Variants in INTS8 observed in about 807,000 individuals in gnomAD.
INTS8 encodes the protein protein kaonashi-1.
INTS8 carries 47 observed loss-of-function variants against 138.9 expected under a neutral mutation model. The observed-to-expected ratio is 0.34, with a 90% CI of 0.27 to 0.43. The LOEUF (loss-of-function observed/expected upper bound fraction) is 0.43. Among genes scored for constraint, INTS8 ranks in the 20% least tolerant of loss-of-function variants. The pLI, the probability that INTS8 is intolerant of heterozygous loss-of-function variation, is 1.00. For missense variants in INTS8, 996 were observed against 1,173.0 expected (o/e 0.85, Z 2.20); for synonymous variants, 392 against 400.9 (o/e 0.98, Z 0.27).
intron 16 of INTS8, among the ~76,000 whole-genome samples, chr8:94,864,540 T>C (rs982291540): frequency 1.3e-5 from 2 of 152,128 alleles, no homozygotes; most frequent in African/African-American, 4.8e-5. Flanking sequence ...AAACCCCGTC[T>C]CTACTAAAAA....
intron 20 of INTS8, among the ~76,000 whole-genome samples, chr8:94,870,718 G>T (rs60598395): frequency 0.015 from 2,212 of 152,142 alleles, 53 homozygotes; most frequent in African/African-American, 0.05. Context: ...CACTGTACTG[G>T]GCTCTGGTGA....
At chr8:94,856,272 G>T (rs1815742026) in intron 14 of INTS8, among the ~76,000 whole-genome samples, 2 of 152,188 alleles carry the variant, frequency 1.3e-5, no homozygotes, top group South Asian at 4.1e-4. Flanking sequence ...GGGAGTGAAT[G>T]AAATATGTGG....
intron 15 of INTS8, among the ~76,000 whole-genome samples, chr8:94,858,298 C>G (rs1014878064): frequency 1.3e-4 from 20 of 152,272 alleles, no homozygotes; most frequent in Middle Eastern, 3.4e-3. Context: ...AATTTAATTT[C>G]TAATTAAAGT....
chr8:94,834,334 CTG>C (rs1814841127), intron 6 of INTS8, among the ~76,000 whole-genome samples: 1 of 150,212 alleles, frequency 6.7e-6, no homozygotes, highest in South Asian at 2.1e-4. Flanking sequence ...TTATATATAA[CTG>C]TAGTAAGTAT....
chr8:94,833,929 G>T (rs1356754879), intron 6 of INTS8, among the ~76,000 whole-genome samples: 2 of 151,990 alleles, frequency 1.3e-5, no homozygotes, highest in Non-Finnish European at 2.9e-5. Context: ...GCACCACCTC[G>T]CCTGGCTAAT....
rs1281376992 is a variant in INTS8 at position 94,878,880 on chromosome 8, A to G, written c.2872-1238A>G. On this transcript the variant is annotated intron_variant, in intron 26 of 26. Coordinates refer to ENST00000523731, the MANE Select transcript of INTS8 (RefSeq NM_017864.4). The stretch of plus-strand genomic sequence containing the variant: ...GCTTCCCTGACATCATTTTTATTGG[A>G]TTACTTTCTCTATTTCTTCCTTTTT... 2.0e-5 allele frequency among the ~76,000 whole-genome samples: 3 copies of G among 152,058 alleles called. No homozygotes were observed. In the East Asian group the frequency reaches 5.8e-4, roughly 29 times the overall value.
chr8:94,823,620 C>A, intron 1 of INTS8, 59 bp downstream of exon 1: 2 of 1,338,906 alleles, frequency 1.5e-6, no homozygotes, highest in South Asian at 1.4e-5. Flanking sequence ...GTCCGCCCAG[C>A]TTCCCTCCGC....
At chr8:94,872,539 T>G (rs1236952350) in intron 21 of INTS8, among the ~76,000 whole-genome samples, 1 of 152,196 alleles carries the variant, frequency 6.6e-6, no homozygotes, top group East Asian at 1.9e-4. Flanking sequence ...CAGCATGAAT[T>G]TTTTAAATCT....
chr8:94,848,167 G>A (rs1313709802), intron 10 of INTS8, among the ~76,000 whole-genome samples: 1 of 151,652 alleles, frequency 6.6e-6, no homozygotes, highest in Non-Finnish European at 1.5e-5. Flanking sequence ...GTGTCACCAT[G>A]CCCACGTAAT....
chr8:94,877,320 G>C (rs1001580983), intron 26 of INTS8, among the ~76,000 whole-genome samples: 3 of 152,094 alleles, frequency 2.0e-5, no homozygotes, highest in Admixed American at 2.0e-4. Context: ...TATTTATTAA[G>C]GGTCTTTTAA....
intron 2 of INTS8, among the ~76,000 whole-genome samples, chr8:94,826,406 C>G (rs1236254882): frequency 6.6e-6 from 1 of 152,116 alleles, no homozygotes; most frequent in Non-Finnish European, 1.5e-5. Context: ...CTCAGCCTCC[C>G]GAGTAGCTGG....
At position 94,827,386 on chromosome 8, in the gene INTS8, A is replaced by T; in HGVS notation, c.429A>T (p.Val143=). The change falls in exon 3 of 27, where the codon GTA becomes GTT. Residue 143 remains valine (V), a synonymous_variant. Coordinates refer to ENST00000523731, the MANE Select transcript of INTS8 (RefSeq NM_017864.4). ...ATLPPTTAMA[V]LLYNRWAIRT... ...TACCTCCGACCACTGCCATGGCTGT[A>T]CTTCTCTATAATAGATGGTAAATGT... is the stretch of plus-strand genomic sequence containing the variant. 6.2e-7 allele frequency: 1 copy of T among 1,614,194 alleles called. No individual in the cohort carries two copies. The highest frequency in any genetic ancestry group is 1.1e-5 in the South Asian group (1 of 91,088).
intron 21 of INTS8, among the ~76,000 whole-genome samples, chr8:94,872,485 C>T (rs1286929332): frequency 6.6e-6 from 1 of 152,186 alleles, no homozygotes; most frequent in Non-Finnish European, 1.5e-5. Context: ...CTGCCCGCCT[C>T]GGCCTCCCAA....
chr8:94,871,535 C>G (rs1191775412), intron 20 of INTS8, among the ~76,000 whole-genome samples: 1 of 151,856 alleles, frequency 6.6e-6, no homozygotes, highest in East Asian at 1.9e-4. Context: ...CTTTTGTTGC[C>G]CATAAATTGT....
chr8:94,866,046 C>T, intron 17 of INTS8, 112 bp from the exon 18 acceptor site: 1 of 573,864 alleles, frequency 1.7e-6, no homozygotes, highest in Non-Finnish European at 3.2e-6. Context: ...CATTCCTTTT[C>T]ACACTTGCAG....
At position 94,851,692 on chromosome 8, in the gene INTS8, C is replaced by T. The variant is rs80225278; in HGVS notation, c.1641+6C>T. 0.035 allele frequency: 55,073 copies of T among 1,577,630 alleles called. 1,096 individuals carry two copies. The highest frequency in any genetic ancestry group is 0.04 in the Non-Finnish European group (46,352 of 1,168,232). On this transcript the variant is annotated splice_donor_region_variant and intron_variant, in intron 13 of 26. Coordinates refer to ENST00000523731, the MANE Select transcript of INTS8 (RefSeq NM_017864.4). ...TCTGGACAGTGTCTAATAAGGTAAA[C>T]CCTATGTCAAGAACAGATAAGAAAA...
intron 4 of INTS8, among the ~76,000 whole-genome samples, chr8:94,828,261 G>A (rs903464732): frequency 7.2e-5 from 11 of 152,012 alleles, no homozygotes; most frequent in Non-Finnish European, 1.2e-4. Context: ...GGCTGGTGTC[G>A]AACTCCTGAC....
chr8:94,876,285 T>A lies in INTS8; in HGVS notation c.2827T>A (p.Tyr943Asn). 6.2e-7 allele frequency: 1 copy of A among 1,604,836 alleles called. No individual in the cohort carries two copies. The highest frequency in any genetic ancestry group is 8.5e-7 in the Non-Finnish European group (1 of 1,172,082). ...TGTTACCATTTTGGAATACTTGACT[T>A]GTATCCTTTCATCCATGTGTGTGAT... ...WDVTILEYLTYLHHKRGETDK... is the reference protein window; with the variant it reads ...WDVTILEYLTNLHHKRGETDK... The change falls in exon 25 of 27, where the codon TAT becomes AAT. Residue 943 changes from tyrosine (Y) to asparagine (N), a missense_variant and splice_region_variant. Coordinates refer to ENST00000523731, the MANE Select transcript of INTS8 (RefSeq NM_017864.4).
rs1816409072 is a variant in INTS8 at position 94,871,863 on chromosome 8, GT to G, written c.2415-19del. The G allele has an allele frequency of 8.0e-7, 1 of 1,247,400 alleles. No individual in the cohort carries two copies. Among genetic ancestry groups the G allele is most frequent in the African/African-American group, 1.5e-5 (1 of 67,098 alleles). 77.3% of individuals were successfully genotyped at this position (1,247,400 alleles called of 1,614,324 possible). A position where few individuals can be genotyped will look rare whatever the true frequency, so the allele number is the denominator to read the frequency against. On this transcript the variant is annotated intron_variant, in intron 20 of 26. Transcript: ENST00000523731. ...GTTGACTTTTAAAATAGAGATTAAT[GT>G]TGTGTGTCTTTCCTTTTAGCCTCCA...
Sources: gnomAD v4.1 joint callset for allele counts (sites outside exome capture counted in the v4.1 genomes callset) on GRCh38, gnomAD v4.1.1 for gene constraint, MANE v1.5 for transcripts, NCBI Gene and HGNC (gene_info 2026-07-23, HGNC 2026-07-21) for gene names.